The following TBL1X variants were observed in gnomAD, a reference collection of about 807,000 sequenced individuals.
The protein encoded by TBL1X is F-box-like/WD repeat-containing protein TBL1X.
Under a neutral mutation model 50.7 loss-of-function variants are expected in TBL1X, and 10 were observed. That is an observed-to-expected ratio of 0.20 (90% confidence interval 0.12 to 0.33). TBL1X has a LOEUF of 0.33. Ranked by LOEUF, TBL1X falls within the 10% of genes least tolerant of loss-of-function variation. The probability of loss-of-function intolerance (pLI) is 1.00; values close to 1 mark genes in which losing one functional copy is unlikely to be tolerated. For synonymous variants in TBL1X, 190 were observed against 214.7 expected, an observed-to-expected ratio of 0.88 and a Z score of 1.01; for missense variants, 340 against 504.4, an observed-to-expected ratio of 0.67 and a Z score of 3.12.
chrX:9,715,400 G>C (rs1569109187), intron 17 of TBL1X, among the ~76,000 whole-genome samples: 2 of 111,546 alleles, frequency 1.8e-5, no homozygotes, highest in Non-Finnish European at 3.8e-5. Context: ...CACAAACCTA[G>C]ATGATAATAC....
chrX:9,549,207 T>C (rs1485820377), intron 2 of TBL1X, among the ~76,000 whole-genome samples: 1 of 112,336 alleles, frequency 8.9e-6, no homozygotes, highest in Admixed American at 9.4e-5. Context: ...GGCCTGGAGC[T>C]GGGTCAGCTA....
At chrX:9,694,218 G>T (rs760457550) in intron 11 of TBL1X, among the ~76,000 whole-genome samples, 42 of 93,538 alleles carry the variant, frequency 4.5e-4, no homozygotes, top group African/African-American at 1.7e-3. Flanking sequence ...TGGAAAAGAA[G>T]CATTATCTAG....
At chrX:9,686,920 T>C (rs2083063329) in intron 6 of TBL1X, among the ~76,000 whole-genome samples, 1 of 112,569 alleles carries the variant, frequency 8.9e-6, no homozygotes, top group East Asian at 2.8e-4. Context: ...GCTAGTTCTT[T>C]ACATAGGTTG....
chrX:9,485,901 A>ATTTAT (rs978485603), intron 1 of TBL1X, among the ~76,000 whole-genome samples: 1 of 111,338 alleles, frequency 9.0e-6, no homozygotes, highest in Non-Finnish European at 1.9e-5. Context: ...TGTATTTGTT[A>ATTTAT]TTTATTTTAT....
At chrX:9,592,489 C>T (rs767081534) in intron 2 of TBL1X, among the ~76,000 whole-genome samples, 8 of 111,833 alleles carry the variant, frequency 7.2e-5, no homozygotes, top group East Asian at 2.8e-4. Context: ...ATATACATTA[C>T]GTAATACATT....
intron 2 of TBL1X, among the ~76,000 whole-genome samples, chrX:9,509,482 CTT>C (rs63110360): frequency 3.1e-5 from 2 of 63,545 alleles, no homozygotes; most frequent in Non-Finnish European, 5.4e-5. Flanking sequence ...TACAGAATCG[CTT>C]TTTTTTTTTT....
At chrX:9,548,758 A>G (rs1194121211) in intron 2 of TBL1X, among the ~76,000 whole-genome samples, 2 of 112,559 alleles carry the variant, frequency 1.8e-5, no homozygotes, top group Admixed American at 9.4e-5. Context: ...ATGTTTTAAG[A>G]TTTATTAAGC....
At chrX:9,679,125 G>C (rs1335545617) in intron 5 of TBL1X, among the ~76,000 whole-genome samples, 1 of 108,634 alleles carries the variant, frequency 9.2e-6, no homozygotes, top group Non-Finnish European at 1.9e-5. Flanking sequence ...TGCATGCAGA[G>C]GGTGGCTTGC....
intron 1 of TBL1X, among the ~76,000 whole-genome samples, chrX:9,483,921 C>G (rs1474548635): frequency 8.9e-6 from 1 of 112,475 alleles, no homozygotes; most frequent in Non-Finnish European, 1.9e-5. Flanking sequence ...ATTTGTTTCA[C>G]ACCATCTGCT....
chrX:9,589,594 C>T (rs1028742755), intron 2 of TBL1X, among the ~76,000 whole-genome samples: 42 of 111,266 alleles, frequency 3.8e-4, no homozygotes, highest in African/African-American at 1.3e-3. Context: ...CTAAGCATTG[C>T]GCTTGCTGTT....
intron 2 of TBL1X, among the ~76,000 whole-genome samples, chrX:9,551,508 C>T (rs1479727209): frequency 1.8e-5 from 2 of 110,890 alleles, no homozygotes; most frequent in Admixed American, 9.6e-5. Context: ...TTTAGTGCAG[C>T]GTATTTCAAC....
chrX:9,510,564 G>A (rs1385854161), intron 2 of TBL1X, among the ~76,000 whole-genome samples: 3 of 112,694 alleles, frequency 2.7e-5, no homozygotes, highest in Non-Finnish European at 3.8e-5. Flanking sequence ...TTCATTCATG[G>A]GTTGTCTCTG....
At chrX:9,676,707 T>C (rs1372360417) in intron 5 of TBL1X, among the ~76,000 whole-genome samples, 1 of 112,404 alleles carries the variant, frequency 8.9e-6, no homozygotes, top group African/African-American at 3.2e-5. Flanking sequence ...CAAAATGTTG[T>C]TGGAGGTTAG....
At chrX:9,662,764 C>A (rs1473461134) in intron 5 of TBL1X, among the ~76,000 whole-genome samples, 4 of 111,534 alleles carry the variant, frequency 3.6e-5, no homozygotes, top group Admixed American at 2.9e-4. Context: ...CAAGCTTGGA[C>A]AACGTAGCAA....
At chrX:9,579,956 C>T (rs1313252483) in intron 2 of TBL1X, among the ~76,000 whole-genome samples, 1 of 111,366 alleles carries the variant, frequency 9.0e-6, no homozygotes, top group Non-Finnish European at 1.9e-5. Flanking sequence ...CATGGGTATC[C>T]CTAAACCACT....
At chrX:9,575,304 G>A (rs771757398) in intron 2 of TBL1X, among the ~76,000 whole-genome samples, 3 of 111,482 alleles carry the variant, frequency 2.7e-5, no homozygotes, top group South Asian at 3.8e-4. Context: ...ATTACAGTTC[G>A]ACATGAGATT....
At chrX:9,627,073 A>C (rs1290684713) in intron 2 of TBL1X, among the ~76,000 whole-genome samples, 2 of 112,304 alleles carry the variant, frequency 1.8e-5, no homozygotes, top group Non-Finnish European at 3.8e-5. Flanking sequence ...TAATGCAACT[A>C]GGGAAGCATT....
chrX:9,560,165 A>G (rs2146999330), intron 2 of TBL1X, among the ~76,000 whole-genome samples: 1 of 112,113 alleles, frequency 8.9e-6, no homozygotes, highest in Non-Finnish European at 1.9e-5. Flanking sequence ...GACAAAGGCA[A>G]TTCTAGGCGA....
intron 2 of TBL1X, among the ~76,000 whole-genome samples, chrX:9,537,248 C>T (rs2082192778): frequency 9.0e-6 from 1 of 111,459 alleles, no homozygotes; most frequent in Non-Finnish European, 1.9e-5. Flanking sequence ...CTTGTTTGGG[C>T]ATATTGAAAA....
Sources: gnomAD v4.1 joint callset for allele counts (sites outside exome capture counted in the v4.1 genomes callset) on GRCh38, gnomAD v4.1.1 for gene constraint, MANE v1.5 for transcripts, NCBI Gene and HGNC (gene_info 2026-07-23, HGNC 2026-07-21) for gene names.